The following MCTP2 variants were observed in gnomAD, a reference collection of about 807,000 sequenced individuals.
MCTP2 encodes multiple C2 and transmembrane domain-containing protein 2.
In MCTP2, 132 loss-of-function variants were observed where a neutral mutation model predicts 111.6. The observed-to-expected ratio is 1.18, with a 90% CI of 1.03 to 1.37. MCTP2 has a LOEUF of 1.37. Among genes scored for constraint, MCTP2 ranks in the 40% most tolerant of loss-of-function variants. MCTP2 has a pLI of 0.00. For synonymous variants in MCTP2, 395 were observed against 387.7 expected (o/e 1.02, Z -0.22); for missense variants, 1,183 against 1,067.9 (o/e 1.11, Z -1.50).
In MCTP2 at chr15:94,483,440, CACTG is replaced by C. The variant is rs1292084435; in HGVS notation, c.*4407_*4410del. 1 of 152,164 alleles carries C rather than the reference CACTG, an allele frequency of 6.6e-6. No individual in the cohort carries two copies. The allele number at this position is 152,164 out of a possible 1,614,324, so 9.4% of individuals were successfully genotyped here. On this transcript the variant is annotated 3_prime_UTR_variant, in exon 23 of 23. Transcript: ENST00000357742. ...GCAACACTATTTACAATAGCAAAGA[CACTG>C]GATCAGTCTAAATGCCCATCATTGA...
At chr15:94,327,345 T>C (rs1382818276) in intron 4 of MCTP2, among the ~76,000 whole-genome samples, 2 of 152,260 alleles carry the variant, frequency 1.3e-5, no homozygotes, top group Admixed American at 1.3e-4. Context: ...TTCGTAATGA[T>C]GTGACGGTCA....
At chr15:94,447,267 A>G (rs1246566149) in intron 19 of MCTP2, among the ~76,000 whole-genome samples, 2 of 152,288 alleles carry the variant, frequency 1.3e-5, no homozygotes, top group East Asian at 3.9e-4. Flanking sequence ...TTGTGCCAGA[A>G]AGAGAGAGGA....
At chr15:94,305,360 A>G (rs529183804) in intron 2 of MCTP2, among the ~76,000 whole-genome samples, 89 of 152,286 alleles carry the variant, frequency 5.8e-4, no homozygotes, top group African/African-American at 2.0e-3. Flanking sequence ...CTGTGATCTT[A>G]ACAGTTTTAG....
intron 17 of MCTP2, among the ~76,000 whole-genome samples, chr15:94,421,023 A>G (rs1243612967): frequency 2.0e-5 from 3 of 152,026 alleles, no homozygotes; most frequent in Admixed American, 2.0e-4. Context: ...ATCAGTCATC[A>G]GCCATCAACA....
At chr15:94,344,331 T>C (rs764865779) in intron 7 of MCTP2, among the ~76,000 whole-genome samples, 20 of 152,218 alleles carry the variant, frequency 1.3e-4, no homozygotes, top group Non-Finnish European at 2.6e-4. Flanking sequence ...GGTATTTTTT[T>C]CTTAAGAAAA....
chr15:94,391,905 A>G (rs1036499150), intron 14 of MCTP2, among the ~76,000 whole-genome samples: 3 of 152,168 alleles, frequency 2.0e-5, no homozygotes, highest in African/African-American at 7.2e-5. Context: ...TTAAGTGGAA[A>G]AACCTCTTAC....
chr15:94,301,229 T>G (rs1870528047), intron 2 of MCTP2, among the ~76,000 whole-genome samples: 2 of 152,312 alleles, frequency 1.3e-5, no homozygotes, highest in Middle Eastern at 6.8e-3. Context: ...GCCGTTGCTT[T>G]GCTGGGTGGC....
intron 17 of MCTP2, among the ~76,000 whole-genome samples, chr15:94,420,986 C>A (rs1236335540): frequency 6.6e-6 from 1 of 152,100 alleles, no homozygotes; most frequent in Non-Finnish European, 1.5e-5. Flanking sequence ...GCCACAGCCA[C>A]CCCAGCCTTC....
chr15:94,478,912 T>C lies in MCTP2; in HGVS notation c.2569-54T>C, dbSNP rs2074582337. 9.8e-6 allele frequency: 15 copies of C among 1,532,670 alleles called. No individual in the cohort carries two copies. The South Asian group carries it at 1.7e-4, about 17-fold the overall frequency. The allele number at this position is 1,532,670 out of a possible 1,614,324, so 94.9% of individuals were successfully genotyped here. A position where few individuals can be genotyped will look rare whatever the true frequency, so the allele number is the denominator to read the frequency against. On this transcript the variant is annotated intron_variant, in intron 22 of 22. Transcript: ENST00000357742. ...TCCTTGGGGAGCCATTAGCACACAC[T>C]GTGGCGAGCTAGGGTTACCTAACCG...
At chr15:94,321,304 T>C (rs2076619821) in intron 4 of MCTP2, among the ~76,000 whole-genome samples, 1 of 152,232 alleles carries the variant, frequency 6.6e-6, no homozygotes, top group African/African-American at 2.4e-5. Flanking sequence ...AGAGAAGATT[T>C]GGAATATTCC....
intron 1 of MCTP2, among the ~76,000 whole-genome samples, chr15:94,267,304 T>C (rs2073594590): frequency 6.6e-6 from 1 of 152,214 alleles, no homozygotes; most frequent in South Asian, 2.1e-4. Flanking sequence ...AAGAATGATA[T>C]CATACAGTAC....
At chr15:94,369,151 A>T (rs1234101582) in intron 11 of MCTP2, among the ~76,000 whole-genome samples, 1 of 152,242 alleles carries the variant, frequency 6.6e-6, no homozygotes, top group Non-Finnish European at 1.5e-5. Context: ...TTGAAAATAT[A>T]GAGGAGAAAC....
At chr15:94,359,812 T>G (rs961446887) in intron 10 of MCTP2, among the ~76,000 whole-genome samples, 6 of 152,132 alleles carry the variant, frequency 3.9e-5, no homozygotes, top group African/African-American at 1.4e-4. Flanking sequence ...TTTTTCTCAG[T>G]AAAATGCTTA....
At chr15:94,433,089 G>T (rs1422572452) in intron 17 of MCTP2, among the ~76,000 whole-genome samples, 1 of 152,090 alleles carries the variant, frequency 6.6e-6, no homozygotes, top group Non-Finnish European at 1.5e-5. Flanking sequence ...TAGGGGATTT[G>T]TTAGATTTGT....
chr15:94,419,424 G>A (rs184324595), intron 17 of MCTP2, among the ~76,000 whole-genome samples: 1 of 152,222 alleles, frequency 6.6e-6, no homozygotes, highest in Non-Finnish European at 1.5e-5. Flanking sequence ...AGGTATAAGT[G>A]GAAATATGAA....
At chr15:94,281,176 T>A (rs1489783732) in intron 1 of MCTP2, among the ~76,000 whole-genome samples, 1 of 152,176 alleles carries the variant, frequency 6.6e-6, no homozygotes, top group East Asian at 1.9e-4. Flanking sequence ...GTTTGAAGTC[T>A]CCCCCTAGTA....
At chr15:94,245,208 A>T (rs1456275685) in intron 1 of MCTP2, among the ~76,000 whole-genome samples, 1 of 142,330 alleles carries the variant, frequency 7.0e-6, no homozygotes, top group Non-Finnish European at 1.5e-5. Flanking sequence ...GTATATATTT[A>T]TACATATGTG....
intron 1 of MCTP2, among the ~76,000 whole-genome samples, chr15:94,279,267 T>G (rs547022935): frequency 1.1e-4 from 17 of 152,172 alleles, no homozygotes; most frequent in Admixed American, 5.9e-4. Flanking sequence ...TGCTTTTCCA[T>G]TTGTTTGTGT....
intron 1 of MCTP2, among the ~76,000 whole-genome samples, chr15:94,282,094 G>C (rs1334855645): frequency 1.3e-5 from 2 of 152,006 alleles, no homozygotes; most frequent in African/African-American, 4.8e-5. Context: ...TCTTTAGTGA[G>C]GTCTGGGAAT....
Sources: allele counts gnomAD v4.1 joint callset (sites outside exome capture counted in the v4.1 genomes callset), GRCh38; gene constraint gnomAD v4.1.1; transcripts MANE v1.5; gene names NCBI Gene and HGNC (gene_info 2026-07-23, HGNC 2026-07-21).